POU6F2: variants seen among roughly 807,000 people sequenced by gnomAD.
The protein encoded by POU6F2 is POU domain, class 6, transcription factor 2.
POU6F2 carries 31 observed loss-of-function variants against 71.3 expected under a neutral mutation model. That is an observed-to-expected ratio of 0.43 (90% CI 0.33 to 0.59). POU6F2 has a LOEUF of 0.59. POU6F2 is among the 20% of genes least tolerant of loss of function. The probability of loss-of-function intolerance (pLI) is 0.04; values close to 1 mark genes in which losing one functional copy is unlikely to be tolerated. For missense variants in POU6F2, 783 were observed against 856.8 expected, an observed-to-expected ratio of 0.91 and a Z score of 1.07; for synonymous variants, 347 against 355.7, an observed-to-expected ratio of 0.98 and a Z score of 0.27.
At chr7:39,376,935 TA>T (rs1390055565) in intron 5 of POU6F2, among the ~76,000 whole-genome samples, 2 of 144,678 alleles carry the variant, frequency 1.4e-5, no homozygotes, top group East Asian at 3.9e-4. Context: ...TTATTTAGTA[TA>T]TTTTAAGTGC....
At chr7:38,996,165 G>A (rs1314768866) in intron 1 of POU6F2, among the ~76,000 whole-genome samples, 1 of 150,526 alleles carries the variant, frequency 6.6e-6, no homozygotes, top group East Asian at 2.0e-4. Context: ...TCAGCCTCCT[G>A]AGTAGCTAGG....
chr7:39,457,673 G>A (rs936578084), intron 8 of POU6F2, among the ~76,000 whole-genome samples: 4 of 152,126 alleles, frequency 2.6e-5, no homozygotes, highest in Non-Finnish European at 4.4e-5. Context: ...CATCAGAATC[G>A]CTTGTGTTAC....
chr7:39,253,923 G>T (rs77719373), intron 4 of POU6F2, among the ~76,000 whole-genome samples: 1,645 of 152,110 alleles, frequency 0.011, 54 homozygotes, highest in East Asian at 0.077. Context: ...ACTTTATCTT[G>T]CCTAGAATGC....
intron 4 of POU6F2, among the ~76,000 whole-genome samples, chr7:39,323,280 A>G (rs1226619886): frequency 6.6e-6 from 1 of 152,210 alleles, no homozygotes; most frequent in Non-Finnish European, 1.5e-5. Flanking sequence ...GATCCCAGCA[A>G]GAGGACAGCT....
intron 1 of POU6F2, among the ~76,000 whole-genome samples, chr7:39,079,617 C>G (rs1229096091): frequency 6.6e-6 from 1 of 152,158 alleles, no homozygotes; most frequent in Non-Finnish European, 1.5e-5. Flanking sequence ...TAGTATGCCA[C>G]TGTTAAACGC....
At chr7:39,097,575 T>A (rs1365457898) in intron 2 of POU6F2, among the ~76,000 whole-genome samples, 1 of 152,204 alleles carries the variant, frequency 6.6e-6, no homozygotes, top group African/African-American at 2.4e-5. Flanking sequence ...TGAAAACCCA[T>A]AATTTGCCCT....
At chr7:38,997,144 C>T (rs1022216751) in intron 1 of POU6F2, among the ~76,000 whole-genome samples, 1 of 149,974 alleles carries the variant, frequency 6.7e-6, no homozygotes, top group Non-Finnish European at 1.5e-5. Flanking sequence ...CCCAGATTTC[C>T]ACCTGCTCTG....
chr7:39,188,634 CTT>C (rs1476897266), intron 2 of POU6F2, among the ~76,000 whole-genome samples: 1 of 152,124 alleles, frequency 6.6e-6, no homozygotes, highest in Non-Finnish European at 1.5e-5. Context: ...TTTAGAGACT[CTT>C]TTTATCTTCT....
intron 2 of POU6F2, among the ~76,000 whole-genome samples, chr7:39,165,292 CTT>C (rs1472511329): frequency 3.3e-5 from 5 of 152,178 alleles, no homozygotes; most frequent in Non-Finnish European, 5.9e-5. Context: ...GTTGCTTACT[CTT>C]TGTCCTCAGT....
At chr7:39,441,677 G>A (rs1490984212) in intron 7 of POU6F2, among the ~76,000 whole-genome samples, 1 of 152,216 alleles carries the variant, frequency 6.6e-6, no homozygotes, top group Admixed American at 6.5e-5. Context: ...AAGCAATGAA[G>A]AAACATCAAT....
intron 2 of POU6F2, among the ~76,000 whole-genome samples, chr7:39,131,507 A>G (rs1445662886): frequency 1.3e-5 from 2 of 152,118 alleles, no homozygotes; most frequent in African/African-American, 2.4e-5. Flanking sequence ...GACTGCCTGA[A>G]CTGACCGAGG....
chr7:39,262,792 T>A (rs61350796), intron 4 of POU6F2, among the ~76,000 whole-genome samples: 41,649 of 152,026 alleles, frequency 0.27, 5,923 homozygotes, highest in South Asian at 0.47. Context: ...GGACTTTTTT[T>A]AAAAACATAA....
At chr7:39,348,405 C>T (rs780307329) in intron 5 of POU6F2, among the ~76,000 whole-genome samples, 5 of 152,212 alleles carry the variant, frequency 3.3e-5, no homozygotes, top group African/African-American at 4.8e-5. Context: ...GTTCACAGTT[C>T]TAACTGGAGT....
chr7:39,061,966 A>G (rs1790665790), intron 1 of POU6F2, among the ~76,000 whole-genome samples: 1 of 152,210 alleles, frequency 6.6e-6, no homozygotes, highest in South Asian at 2.1e-4. Context: ...CCAGTTCATC[A>G]CACAAAATAT....
chr7:39,453,583 T>C (rs1788712322), intron 8 of POU6F2, among the ~76,000 whole-genome samples: 1 of 152,232 alleles, frequency 6.6e-6, no homozygotes, highest in Non-Finnish European at 1.5e-5. Flanking sequence ...GAAAGATGAA[T>C]GAGTGGATGG....
At chr7:39,393,132 G>T (rs1389095552) in intron 5 of POU6F2, among the ~76,000 whole-genome samples, 4 of 152,140 alleles carry the variant, frequency 2.6e-5, no homozygotes, top group African/African-American at 7.2e-5. Flanking sequence ...ACAGGTAGTG[G>T]TTCTTACTGT....
intron 5 of POU6F2, among the ~76,000 whole-genome samples, chr7:39,355,765 T>G (rs1462867083): frequency 3.3e-5 from 5 of 152,160 alleles, no homozygotes; most frequent in Admixed American, 2.6e-4. Flanking sequence ...ACACAGCAGA[T>G]TAGTGGTTTA....
intron 4 of POU6F2, among the ~76,000 whole-genome samples, chr7:39,327,542 T>C (rs889782649): frequency 6.6e-6 from 1 of 152,080 alleles, no homozygotes; most frequent in Non-Finnish European, 1.5e-5. Context: ...AGAGGATTGC[T>C]TGAGTCCAGG....
chr7:39,260,575 T>A (rs1562767465), intron 4 of POU6F2, among the ~76,000 whole-genome samples: 1 of 139,296 alleles, frequency 7.2e-6, no homozygotes, highest in Admixed American at 7.1e-5. Context: ...CATACCACAT[T>A]CCACACACAT....
Sources: allele counts gnomAD v4.1 joint callset (sites outside exome capture counted in the v4.1 genomes callset), GRCh38; gene constraint gnomAD v4.1.1; transcripts MANE v1.5; gene names NCBI Gene and HGNC (gene_info 2026-07-23, HGNC 2026-07-21).